Variants in ABCC4 observed in about 807,000 individuals in gnomAD.
The protein encoded by ABCC4 is ATP-binding cassette sub-family C member 4.
ABCC4 carries 102 observed loss-of-function variants against 168.5 expected under a neutral mutation model. The observed-to-expected ratio is 0.61, with a 90% CI of 0.52 to 0.71. The LOEUF (loss-of-function observed/expected upper bound fraction) is 0.71. Ranked by LOEUF, ABCC4 falls within the 30% of genes least tolerant of loss-of-function variation. The pLI is 0.00. For missense variants in ABCC4, 1,402 were observed against 1,605.8 expected, an observed-to-expected ratio of 0.87 and a Z score of 2.17; for synonymous variants, 617 against 590.7, an observed-to-expected ratio of 1.04 and a Z score of -0.65.
intron 8 of ABCC4, among the ~76,000 whole-genome samples, chr13:95,205,451 G>A (rs1165155469): frequency 1.3e-5 from 2 of 152,224 alleles, no homozygotes; most frequent in African/African-American, 4.8e-5. Context: ...AAACAAAGCA[G>A]ATTTTTGAAA....
At chr13:95,260,095 C>T (rs764469055) in intron 1 of ABCC4, among the ~76,000 whole-genome samples, 1 of 152,182 alleles carries the variant, frequency 6.6e-6, no homozygotes, top group Non-Finnish European at 1.5e-5. Flanking sequence ...GCCCTGCAAT[C>T]TGTATCTTCT....
chr13:95,123,031 G>A (rs1451178961), intron 19 of ABCC4, among the ~76,000 whole-genome samples: 3 of 152,162 alleles, frequency 2.0e-5, no homozygotes, highest in East Asian at 3.9e-4. Context: ...AGTTTCAAAA[G>A]TATGTATGTG....
intron 11 of ABCC4, among the ~76,000 whole-genome samples, chr13:95,184,415 A>G (rs1021186822): frequency 1.3e-5 from 2 of 152,156 alleles, no homozygotes; most frequent in Non-Finnish European, 2.9e-5. Flanking sequence ...CTACCTTATA[A>G]ACACCCCCAA....
chr13:95,088,601 T>C (rs1464673716), intron 20 of ABCC4, among the ~76,000 whole-genome samples: 2 of 152,150 alleles, frequency 1.3e-5, no homozygotes, highest in African/African-American at 2.4e-5. Flanking sequence ...AATTCAGCAA[T>C]ATATTTCTAT....
At chr13:95,102,833 C>T (rs962986011) in intron 20 of ABCC4, among the ~76,000 whole-genome samples, 1 of 151,064 alleles carries the variant, frequency 6.6e-6, no homozygotes, top group East Asian at 2.0e-4. Context: ...GTTGGCCAGG[C>T]TGGTCTCAAA....
intron 20 of ABCC4, among the ~76,000 whole-genome samples, chr13:95,094,713 A>G (rs961332450): frequency 6.6e-6 from 1 of 152,222 alleles, no homozygotes; most frequent in Admixed American, 6.5e-5. Flanking sequence ...CAAAAGGCAC[A>G]TTCAGCAGAG....
At chr13:95,107,192 A>G (rs2139389373) in intron 20 of ABCC4, among the ~76,000 whole-genome samples, 1 of 152,228 alleles carries the variant, frequency 6.6e-6, no homozygotes, top group African/African-American at 2.4e-5. Context: ...GGGAGGCAGA[A>G]GCTACAGTGA....
At chr13:95,177,831 A>C in intron 12 of ABCC4, 38 bp from the exon 13 acceptor site, 1 of 1,573,978 alleles carries the variant, frequency 6.4e-7, no homozygotes, top group South Asian at 1.1e-5. Flanking sequence ...CTCACCCAGG[A>C]ACATGACAAC....
At chr13:95,157,789 G>A (rs1028905160) in intron 19 of ABCC4, among the ~76,000 whole-genome samples, 3 of 152,218 alleles carry the variant, frequency 2.0e-5, no homozygotes, top group Non-Finnish European at 4.4e-5. Context: ...AGAAACTTCA[G>A]GCCGGGCGCG....
chr13:95,077,549 G>A (rs893005589), intron 21 of ABCC4, among the ~76,000 whole-genome samples: 3 of 151,936 alleles, frequency 2.0e-5, no homozygotes, highest in African/African-American at 7.3e-5. Context: ...CATTGCTCAG[G>A]CTGGTCTCGA....
chr13:95,084,879 G>A (rs973426873), intron 20 of ABCC4, among the ~76,000 whole-genome samples: 2 of 152,168 alleles, frequency 1.3e-5, no homozygotes, highest in African/African-American at 4.8e-5. Context: ...AAAGCAAGAA[G>A]CATAAAAACC....
chr13:95,148,877 C>T (rs1566465262), intron 19 of ABCC4: 1 of 152,172 alleles, frequency 6.6e-6, no homozygotes, highest in Non-Finnish European at 1.5e-5. Flanking sequence ...ACAGCAATAA[C>T]TAATGGAAGA....
chr13:95,056,654 A>C (rs2033068936), intron 26 of ABCC4, among the ~76,000 whole-genome samples: 1 of 152,028 alleles, frequency 6.6e-6, no homozygotes, highest in South Asian at 2.1e-4. Flanking sequence ...AGAAGAAAAA[A>C]AAAAAAAAAG....
intron 4 of ABCC4, 66 bp downstream of exon 4, chr13:95,234,544 A>T (rs1037336954): frequency 5.8e-6 from 8 of 1,390,272 alleles, no homozygotes; most frequent in Non-Finnish European, 8.1e-6. Flanking sequence ...TAATTTACAT[A>T]AAACTTCCTC....
chr13:95,182,307 TA>T (rs1004973654), intron 11 of ABCC4, among the ~76,000 whole-genome samples: 115 of 150,752 alleles, frequency 7.6e-4, no homozygotes, highest in African/African-American at 2.5e-3. Context: ...GTGAGCTATA[TA>T]GAAAAACATT....
At chr13:95,033,465 T>G (rs1459778810) in intron 30 of ABCC4, among the ~76,000 whole-genome samples, 1 of 152,178 alleles carries the variant, frequency 6.6e-6, no homozygotes, top group African/African-American at 2.4e-5. Context: ...CAGGTGACCA[T>G]GTGACATCTG....
intron 19 of ABCC4, among the ~76,000 whole-genome samples, chr13:95,157,088 CCACACACACA>C (rs67671921): frequency 3.9e-4 from 52 of 134,706 alleles, no homozygotes; most frequent in African/African-American, 8.0e-4. Context: ...TGAGACTCTA[CCACACACACA>C]CACACACACA....
intron 1 of ABCC4, among the ~76,000 whole-genome samples, chr13:95,251,356 C>T (rs7335275): frequency 0.93 from 140,897 of 152,198 alleles, 65,427 homozygotes; most frequent in East Asian, 1. Context: ...CCTGACCTTT[C>T]TGTAACAACT....
At chr13:95,270,881 G>A (rs979119775) in intron 1 of ABCC4, among the ~76,000 whole-genome samples, 2 of 152,168 alleles carry the variant, frequency 1.3e-5, no homozygotes, top group African/African-American at 4.8e-5. Context: ...CGATTATAAG[G>A]TCAGGAGATC....
Sources: gnomAD v4.1 joint callset for allele counts (sites outside exome capture counted in the v4.1 genomes callset) on GRCh38, gnomAD v4.1.1 for gene constraint, MANE v1.5 for transcripts, NCBI Gene and HGNC (gene_info 2026-07-23, HGNC 2026-07-21) for gene names.